Variants in ZFHX3 observed in about 807,000 individuals in gnomAD.
The protein encoded by ZFHX3 is zinc finger homeobox protein 3.
ZFHX3 carries 42 observed loss-of-function variants against 279.1 expected under a neutral mutation model. That is an observed-to-expected ratio of 0.15 (90% CI 0.12 to 0.19). The LOEUF (loss-of-function observed/expected upper bound fraction) is 0.19. Ranked by LOEUF, ZFHX3 falls within the 10% of genes least tolerant of loss-of-function variation. The pLI is 1.00. For missense variants in ZFHX3, 4,981 were observed against 4,754.0 expected, an observed-to-expected ratio of 1.05 and a Z score of -1.40; for synonymous variants, 2,293 against 1,957.8, an observed-to-expected ratio of 1.17 and a Z score of -4.52.
intron 3 of ZFHX3, among the ~76,000 whole-genome samples, chr16:73,377,031 G>A (rs924750452): frequency 6.7e-6 from 1 of 149,682 alleles, no homozygotes; most frequent in Non-Finnish European, 1.5e-5. Flanking sequence ...GACTGCAATG[G>A]CACCATCTTG....
At chr16:73,115,377 C>CAAAAAAAAAAAA (rs10685277) in intron 7 of ZFHX3, among the ~76,000 whole-genome samples, 1 of 80,722 alleles carries the variant, frequency 1.2e-5, no homozygotes, top group Non-Finnish European at 2.2e-5. Flanking sequence ...CCTATCTCTA[C>CAAAAAAAAAAAA]AAAAAAAAAA....
chr16:73,802,008 T>C (rs569670474), intron 1 of ZFHX3, among the ~76,000 whole-genome samples: 22 of 152,326 alleles, frequency 1.4e-4, no homozygotes, highest in Non-Finnish European at 3.1e-4. Flanking sequence ...CCTGAAAGCA[T>C]GCATCCTGAA....
Position 73,839,074 on chromosome 16 carries a change from T to G in ZFHX3, c.-1608+52577A>C, listed in dbSNP as rs541052594. The stretch of plus-strand genomic sequence containing the variant: ...GCTGCTACTAATGTCAGTGGGTACT[T>G]GCAGCTCCCCTTACAGAGCTAGCTT... On this transcript the variant is annotated intron_variant, in intron 1 of 17. Coordinates refer to the ZFHX3 transcript ENST00000641206. 2.9e-4 allele frequency among the ~76,000 whole-genome samples: 44 copies of G among 152,028 alleles called. No homozygotes were observed. In the South Asian group the frequency reaches 8.9e-3, roughly 31 times the overall value.
chr16:73,407,192 C>A (rs1221025138), intron 3 of ZFHX3, among the ~76,000 whole-genome samples: 2 of 152,196 alleles, frequency 1.3e-5, no homozygotes, highest in Non-Finnish European at 2.9e-5. Flanking sequence ...CCAGCCACCA[C>A]GGAGAATGAT....
intron 3 of ZFHX3, among the ~76,000 whole-genome samples, chr16:72,950,042 G>C (rs1343770277): frequency 6.9e-6 from 1 of 145,648 alleles, no homozygotes; most frequent in Admixed American, 6.9e-5. Flanking sequence ...AAGGAAGGGA[G>C]GAACAAAACA....
At chr16:73,716,791 G>A (rs183717907) in intron 1 of ZFHX3, among the ~76,000 whole-genome samples, 1 of 152,046 alleles carries the variant, frequency 6.6e-6, no homozygotes, top group African/African-American at 2.4e-5. Flanking sequence ...TTTACAGAAA[G>A]CATTATCGAT....
At chr16:73,097,308 T>A (rs960390657) in intron 7 of ZFHX3, among the ~76,000 whole-genome samples, 5 of 144,724 alleles carry the variant, frequency 3.5e-5, no homozygotes, top group African/African-American at 1.0e-4. Context: ...TCTCAAGCAA[T>A]CCTCCCCACT....
chr16:73,427,318 C>G (rs111549439), intron 3 of ZFHX3, among the ~76,000 whole-genome samples: 1 of 152,088 alleles, frequency 6.6e-6, no homozygotes, highest in Non-Finnish European at 1.5e-5. Flanking sequence ...ATCCCATTCA[C>G]CATCATTCTG....
At chr16:73,712,467 C>T (rs916241300) in intron 1 of ZFHX3, among the ~76,000 whole-genome samples, 5 of 152,188 alleles carry the variant, frequency 3.3e-5, no homozygotes, top group South Asian at 4.1e-4. Flanking sequence ...TTATCCTTCT[C>T]GGGTGTAATT....
At chr16:73,233,488 C>T (rs1280000860) in intron 5 of ZFHX3, among the ~76,000 whole-genome samples, 1 of 152,174 alleles carries the variant, frequency 6.6e-6, no homozygotes, top group African/African-American at 2.4e-5. Flanking sequence ...TCTGCAGAAG[C>T]TGCTGCAGGG....
intron 4 of ZFHX3, among the ~76,000 whole-genome samples, chr16:72,864,269 C>G (rs1597323532): frequency 6.6e-6 from 1 of 152,136 alleles, no homozygotes; most frequent in East Asian, 1.9e-4. Flanking sequence ...TTGATGTAAG[C>G]TGCACAAGAG....
chr16:72,817,773 G>T (rs935407187), intron 5 of ZFHX3, among the ~76,000 whole-genome samples: 1 of 152,104 alleles, frequency 6.6e-6, no homozygotes, highest in South Asian at 2.1e-4. Context: ...CCTTTTTGGC[G>T]TCCTGAGGTG....
intron 7 of ZFHX3, among the ~76,000 whole-genome samples, chr16:73,117,403 C>T (rs938713637): frequency 6.6e-6 from 1 of 152,016 alleles, no homozygotes; most frequent in Non-Finnish European, 1.5e-5. Context: ...GGGTCATGGC[C>T]AAAAAATTTG....
At chr16:73,083,814 C>CCA (rs1233907519) in intron 8 of ZFHX3, among the ~76,000 whole-genome samples, 3 of 152,134 alleles carry the variant, frequency 2.0e-5, no homozygotes, top group Non-Finnish European at 2.9e-5. Flanking sequence ...CAGGTGTGAG[C>CCA]CACCATGCCC....
chr16:73,399,581 T>C (rs532120004), intron 3 of ZFHX3, among the ~76,000 whole-genome samples: 34 of 152,300 alleles, frequency 2.2e-4, no homozygotes, highest in Non-Finnish European at 1.0e-4. Context: ...GATGAGTTTA[T>C]TCAGGAGTAT....
chr16:73,114,308 A>G (rs1284299938), intron 7 of ZFHX3, among the ~76,000 whole-genome samples: 1 of 108,364 alleles, frequency 9.2e-6, no homozygotes, highest in Non-Finnish European at 2.2e-5. Context: ...ATGGTTGAAG[A>G]TAAGTTGGAA....
At chr16:73,682,924 G>GAAAGAGAAAGAAAGAA (rs766109523) in intron 1 of ZFHX3, among the ~76,000 whole-genome samples, 1 of 43,474 alleles carries the variant, frequency 2.3e-5, no homozygotes, top group African/African-American at 7.6e-5. Context: ...AAGAGAGAAA[G>GAAAGAGAAAGAAAGAA]AGAAAGAAAG....
At chr16:72,847,550 C>T (rs922622834) in intron 4 of ZFHX3, among the ~76,000 whole-genome samples, 1 of 151,874 alleles carries the variant, frequency 6.6e-6, no homozygotes, top group East Asian at 1.9e-4. Flanking sequence ...CGGAGCACCC[C>T]CAGGGCAGCT....
chr16:73,869,281 C>T (rs138424105), intron 1 of ZFHX3, among the ~76,000 whole-genome samples: 215 of 152,270 alleles, frequency 1.4e-3, no homozygotes, highest in African/African-American at 4.7e-3. Context: ...CAAACAGCCC[C>T]GACCACCCAA....
Sources: allele counts gnomAD v4.1 joint callset (sites outside exome capture counted in the v4.1 genomes callset), GRCh38; gene constraint gnomAD v4.1.1; transcripts MANE v1.5; gene names NCBI Gene and HGNC (gene_info 2026-07-23, HGNC 2026-07-21).